Variants in ARHGAP17 observed in about 807,000 individuals in gnomAD.
ARHGAP17 encodes Rho GTPase activating protein 17.
Under a neutral mutation model 99.5 loss-of-function variants are expected in ARHGAP17, and 57 were observed. That is an observed-to-expected ratio of 0.57 (90% CI 0.46 to 0.71). ARHGAP17 has a LOEUF of 0.71. ARHGAP17 is among the 30% of genes least tolerant of loss of function. ARHGAP17 has a pLI of 0.00. For synonymous variants in ARHGAP17, 417 were observed against 429.6 expected (o/e 0.97, Z 0.36); for missense variants, 1,000 against 1,122.4 (o/e 0.89, Z 1.56).
chr16:24,978,196 A>G (rs1319744422), intron 2 of ARHGAP17, among the ~76,000 whole-genome samples: 1 of 152,208 alleles, frequency 6.6e-6, no homozygotes, highest in East Asian at 1.9e-4. Context: ...AAAAATGAAC[A>G]AATTCCATGA....
At chr16:24,989,109 C>T (rs539445647) in intron 1 of ARHGAP17, among the ~76,000 whole-genome samples, 15 of 152,296 alleles carry the variant, frequency 9.8e-5, no homozygotes, top group Middle Eastern at 3.4e-3. Flanking sequence ...AAAAGCCACA[C>T]AAAAAGTCTA....
At chr16:24,963,057 T>C (rs754114203) in intron 7 of ARHGAP17, among the ~76,000 whole-genome samples, 4 of 152,320 alleles carry the variant, frequency 2.6e-5, no homozygotes, top group Middle Eastern at 3.4e-3. Context: ...CCATGATGAC[T>C]TCCTAAACCT....
At position 24,938,842 on chromosome 16, in the gene ARHGAP17, C is replaced by CCT. The variant is rs546194710; in HGVS notation, c.1724+521_1724+522insAG. On this transcript the variant is annotated intron_variant, in intron 17 of 19. Coordinates refer to ENST00000289968, the MANE Select transcript of ARHGAP17 (RefSeq NM_001006634.3). ...TTTCCACCTTGGACTCATGGATCAACTGCCCTACAAGACTGAAATCTGGGG... is the reference window on the plus strand; with the variant it reads ...TTTCCACCTTGGACTCATGGATCAACCTTGCCCTACAAGACTGAAATCTGGGG... 1.9e-3 allele frequency among the ~76,000 whole-genome samples: 284 copies of CCT among 151,778 alleles called. 3 individuals are homozygous for CCT. The highest frequency in any genetic ancestry group is 6.7e-3 in the African/African-American group (276 of 41,440).
Position 25,009,321 on chromosome 16 carries a change from T to C in ARHGAP17, c.53+5888A>G, listed in dbSNP as rs1597498514. Among the ~76,000 whole-genome samples the C allele has an allele frequency of 3.3e-5, 5 of 149,788 alleles. No individual in the cohort carries two copies. The East Asian group carries it at 7.8e-4, about 23-fold the overall frequency. On this transcript the variant is annotated intron_variant, in intron 1 of 19. Coordinates refer to ENST00000289968, the MANE Select transcript of ARHGAP17 (RefSeq NM_001006634.3). ...GGTGGAGGTTGCAGTGAGTCGAGAT[T>C]GTACCACTGCACTCCAGTCTGGGCG...
At chr16:24,977,796 C>G (rs541386200) in intron 2 of ARHGAP17, among the ~76,000 whole-genome samples, 1 of 152,102 alleles carries the variant, frequency 6.6e-6, no homozygotes, top group Non-Finnish European at 1.5e-5. Context: ...GCATCATAAG[C>G]AGCTTCCCAA....
In ARHGAP17 at chr16:24,955,203, A is replaced by G. The variant is rs1280667439; in HGVS notation, c.725-473T>C. The G allele has an allele frequency of 6.5e-6, 1 of 154,036 alleles. No individual in the cohort carries two copies. Among genetic ancestry groups the G allele is most frequent in the Non-Finnish European group, 1.4e-5 (1 of 69,258 alleles). The allele number at this position is 154,036 out of a possible 1,614,324, so 9.5% of individuals were successfully genotyped here. On this transcript the variant is annotated intron_variant, in intron 9 of 19. Transcript: ENST00000289968. This position sits in a 1 kb window ranked among gnomAD's most constrained non-coding sequence, Gnocchi z 4.0. ...TGAAAATTTCAAACACAAGTTAAGT[A>G]TCTGTCATACAAGACTGGAGATGGC...
At chr16:24,977,342 G>A (rs746521430) in intron 2 of ARHGAP17, 23 bp from the exon 3 acceptor site, 1 of 1,550,412 alleles carries the variant, frequency 6.4e-7, no homozygotes, top group Non-Finnish European at 8.8e-7. Flanking sequence ...AGACAAAAGA[G>A]AACAAATTCA....
chr16:24,925,276 G>A (rs2152439260), intron 19 of ARHGAP17, among the ~76,000 whole-genome samples: 1 of 152,328 alleles, frequency 6.6e-6, no homozygotes, highest in South Asian at 2.1e-4. Context: ...CTACTTGGGA[G>A]GCTGAGGCAA....
chr16:24,950,836 C>CAAACA (rs1386246671), intron 12 of ARHGAP17, among the ~76,000 whole-genome samples: 2 of 39,442 alleles, frequency 5.1e-5, no homozygotes, highest in African/African-American at 2.1e-4. Flanking sequence ...GACTCCAACT[C>CAAACA]AAAAAAAAAA....
chr16:24,999,280 T>C (rs146016214), intron 1 of ARHGAP17, among the ~76,000 whole-genome samples: 22 of 152,382 alleles, frequency 1.4e-4, no homozygotes, highest in African/African-American at 5.0e-4. Flanking sequence ...ATACATTCAG[T>C]ATATTCACCT....
chr16:24,932,897 GA>G (rs1277295895), intron 18 of ARHGAP17, among the ~76,000 whole-genome samples: 3 of 152,088 alleles, frequency 2.0e-5, no homozygotes, highest in Non-Finnish European at 4.4e-5. Context: ...ATGAAGGAAA[GA>G]AATGAACATG....
At chr16:24,982,473 G>A (rs1227532594) in intron 1 of ARHGAP17, among the ~76,000 whole-genome samples, 1 of 152,120 alleles carries the variant, frequency 6.6e-6, no homozygotes, top group Non-Finnish European at 1.5e-5. Flanking sequence ...ATCTATAATT[G>A]GGAAGAATTA....
At position 24,945,824 on chromosome 16, in the gene ARHGAP17, G is replaced by A. The variant is rs527339418; in HGVS notation, c.1241+1658C>T. ...TTTTCTTTTAGGAGAGTACTGGAAA[G>A]CTAATAAGGGTTAATAAGGACACAG... On this transcript the variant is annotated intron_variant, in intron 14 of 19. Transcript: ENST00000289968. Among the ~76,000 whole-genome samples, 13 of 152,280 alleles carry A rather than the reference G, an allele frequency of 8.5e-5. No individual in the cohort carries two copies. The East Asian group carries it at 2.5e-3, about 29-fold the overall frequency.
At chr16:24,974,486 A>C (rs1771346095) in intron 3 of ARHGAP17, among the ~76,000 whole-genome samples, 1 of 152,152 alleles carries the variant, frequency 6.6e-6, no homozygotes, top group South Asian at 2.1e-4. Flanking sequence ...TCCAAATGCC[A>C]GTGGTGCCTG....
intron 19 of ARHGAP17, among the ~76,000 whole-genome samples, chr16:24,922,309 T>G (rs1159812046): frequency 2.0e-5 from 3 of 152,224 alleles, no homozygotes; most frequent in African/African-American, 7.2e-5. Flanking sequence ...GATTTCTACT[T>G]GTTAATATCT....
Position 24,968,747 on chromosome 16 carries a change from C to T in ARHGAP17, c.298G>A (p.Ala100Thr). 3.7e-6 allele frequency: 6 copies of T among 1,614,252 alleles called. No homozygotes were observed. The highest frequency in any genetic ancestry group is 5.1e-6 in the Non-Finnish European group (6 of 1,180,054). The change falls in exon 5 of 20, where the codon GCT (alanine) becomes ACT (threonine). Residue 100 changes from alanine to threonine, a missense_variant. Coordinates refer to ENST00000289968, the MANE Select transcript of ARHGAP17 (RefSeq NM_001006634.3). ...AGCTCGAGAGCCAGCTGATTCTCAGCATCTCCACACGTCTCCAGCATCTTC... is the reference window on the plus strand; with the variant it reads ...AGCTCGAGAGCCAGCTGATTCTCAGTATCTCCACACGTCTCCAGCATCTTC... ...LGKMLETCGD[A>T]ENQLALELSQ...
chr16:24,927,162 T>TC (rs2050864037), intron 19 of ARHGAP17, among the ~76,000 whole-genome samples: 1 of 152,150 alleles, frequency 6.6e-6, no homozygotes, highest in East Asian at 1.9e-4. Flanking sequence ...TCCCAGGTAC[T>TC]CAGGAGGCTG....
chr16:24,953,232 C>T (rs1216729556), intron 10 of ARHGAP17, among the ~76,000 whole-genome samples, 190 bp from the exon 11 acceptor site: 1 of 152,208 alleles, frequency 6.6e-6, no homozygotes, highest in African/African-American at 2.4e-5. Context: ...CAGGGACAGG[C>T]AGGAAGAAAA....
chr16:24,921,204 T>G (rs368180185), intron 19 of ARHGAP17, among the ~76,000 whole-genome samples: 1 of 152,290 alleles, frequency 6.6e-6, no homozygotes, highest in South Asian at 2.1e-4. Context: ...CACGGTCAAG[T>G]GGGCAGACCA....
Sources: gnomAD v4.1 joint callset for allele counts (sites outside exome capture counted in the v4.1 genomes callset) on GRCh38, gnomAD v4.1.1 for gene constraint, Gnocchi (gnomAD v3.1) non-coding constraint, MANE v1.5 for transcripts, NCBI Gene and HGNC (gene_info 2026-07-23, HGNC 2026-07-21) for gene names.